The following GADD45B variants were observed in gnomAD, a reference collection of about 807,000 sequenced individuals.
GADD45B encodes the protein growth arrest and DNA damage inducible beta.
A neutral mutation model predicts 15.2 loss-of-function variants in GADD45B; 8 were observed. The ratio of observed to expected loss-of-function variants is 0.53; its 90% confidence interval spans 0.31 to 0.95. The LOEUF (loss-of-function observed/expected upper bound fraction) is 0.95, where lower values mean the gene tolerates loss of function less well. GADD45B is among the 40% of genes least tolerant of loss of function. GADD45B has a pLI of 0.05. For missense variants in GADD45B, 162 were observed against 216.6 expected, an observed-to-expected ratio of 0.75 and a Z score of 1.58; for synonymous variants, 100 against 89.8, an observed-to-expected ratio of 1.11 and a Z score of -0.64.
rs7354 is a variant in GADD45B, at chr19:2,477,822, C to G, written c.*221C>G. Reference sequence around the variant, plus strand: ...ATCCAGGAGCTGGCGGCCGCCGATCCGATGGAGAAGGGGGGACCCAGGCCA... The same window carrying G: ...ATCCAGGAGCTGGCGGCCGCCGATCGGATGGAGAAGGGGGGACCCAGGCCA... On this transcript the variant is annotated 3_prime_UTR_variant, in exon 4 of 4. Coordinates refer to ENST00000215631, the MANE Select transcript of GADD45B (RefSeq NM_015675.4). This position sits in a 1 kb window ranked among gnomAD's most constrained non-coding sequence, Gnocchi z 4.2. The G allele has an allele frequency of 2.6e-6, 1 of 390,404 alleles. No individual in the cohort carries two copies. The highest frequency in any genetic ancestry group is 3.8e-5 in the Admixed American group (1 of 26,328). 24.2% of individuals were successfully genotyped at this position (390,404 alleles called of 1,614,324 possible).
rs1455293312 is a variant in GADD45B, at chr19:2,476,396, C to T, written c.38C>T (p.Ala13Val). The T allele has an allele frequency of 2.5e-6, 4 of 1,613,226 alleles. No homozygotes were observed. The highest frequency in any genetic ancestry group is 2.7e-5 in the African/African-American group (2 of 74,840). The change falls in exon 1 of 4, where the codon GCG (alanine) becomes GTG (valine). Residue 13 changes from alanine to valine, a missense_variant. Ala to Val is a moderately conservative substitution (Grantham distance 64). Transcript: ENST00000215631. ...LEELVACDNA[A>V]QKMQTVTAAV... is the part of the protein sequence containing the mutation. ...GAGCTCGTGGCGTGCGACAACGCGG[C>T]GCAGAAGTAAGTAGCCGGGGCTGCC...
rs747701671 is a variant in GADD45B at position 2,477,050 on chromosome 19, C to A, written c.168C>A (p.Leu56=). 2 of 1,613,694 alleles carry A rather than the reference C, an allele frequency of 1.2e-6. No homozygotes were observed. Among genetic ancestry groups the A allele is most frequent in the South Asian group, 2.2e-5 (2 of 91,074 alleles). ...LMNVDPDSVV[L]CLLAIDEEEE... is the part of the protein sequence containing the mutation. ...TCAGGGACCCAGACAGCGTGGTCCT[C>A]TGCCTCTTGGCCATTGACGAGGAGG... The change falls in exon 3 of 4, where the codon CTC becomes CTA. Residue 56 remains leucine (L), a synonymous_variant. Coordinates refer to ENST00000215631, the MANE Select transcript of GADD45B (RefSeq NM_015675.4). This position sits in a 1 kb window ranked among gnomAD's most constrained non-coding sequence, Gnocchi z 4.2.
Position 2,476,349 on chromosome 19 carries a change from T to A in GADD45B, c.-10T>A. The A allele has an allele frequency of 6.2e-7, 1 of 1,613,816 alleles. No individual in the cohort carries two copies. The highest frequency in any genetic ancestry group is 8.5e-7 in the Non-Finnish European group (1 of 1,179,894). On this transcript the variant is annotated 5_prime_UTR_variant, in exon 1 of 4. Transcript: ENST00000215631. Reference sequence around the variant, plus strand: ...GTGGAGCCGCATCCACTGTGGATTATAATTGCAACATGACGCTGGAAGAGC... The same window carrying A: ...GTGGAGCCGCATCCACTGTGGATTAAAATTGCAACATGACGCTGGAAGAGC...
chr19:2,477,657 A>T lies in GADD45B; in HGVS notation c.*56A>T. 2 of 895,106 alleles carry T rather than the reference A, an allele frequency of 2.2e-6. No homozygotes were observed. Among genetic ancestry groups the T allele is most frequent in the South Asian group, 1.4e-5 (1 of 70,768 alleles). 55.4% of individuals were successfully genotyped at this position (895,106 alleles called of 1,614,324 possible). A position where few individuals can be genotyped will look rare whatever the true frequency, so the allele number is the denominator to read the frequency against. ...TGCTGCCACAAACAAAAAATACAATAAATATTTGAACCCCCTCCCCCCCAG... is the reference window on the plus strand; with the variant it reads ...TGCTGCCACAAACAAAAAATACAATTAATATTTGAACCCCCTCCCCCCCAG... On this transcript the variant is annotated 3_prime_UTR_variant, in exon 4 of 4. Coordinates refer to ENST00000215631, the MANE Select transcript of GADD45B (RefSeq NM_015675.4). The surrounding 1 kb of genome is among the most constrained non-coding windows in gnomAD (Gnocchi z 4.2).
Position 2,476,187 on chromosome 19 carries a change from G to C in GADD45B, c.-172G>C, listed in dbSNP as rs752336224. 1.6e-5 allele frequency: 11 copies of C among 692,752 alleles called. No individual in the cohort carries two copies. The East Asian group carries it at 2.3e-4, about 14-fold the overall frequency. 42.9% of individuals were successfully genotyped at this position (692,752 alleles called of 1,614,324 possible). A position where few individuals can be genotyped will look rare whatever the true frequency, so the allele number is the denominator to read the frequency against. ...CAACTTCCTGGATTATCCTCGCCAA[G>C]GACTTTGCAATATATTTTTCCGCCT... is the stretch of plus-strand genomic sequence containing the variant. On this transcript the variant is annotated 5_prime_UTR_variant, in exon 1 of 4. Coordinates refer to ENST00000215631, the MANE Select transcript of GADD45B (RefSeq NM_015675.4).
chr19:2,477,088 T>C lies in GADD45B; in HGVS notation c.206T>C (p.Ile69Thr). 6.2e-7 allele frequency: 1 copy of C among 1,613,980 alleles called. No individual in the cohort carries two copies. Among genetic ancestry groups the C allele is most frequent in the Non-Finnish European group, 8.5e-7 (1 of 1,179,968 alleles). The change falls in exon 3 of 4, where the codon ATC (isoleucine) becomes ACC (threonine). Residue 69 changes from isoleucine to threonine, a missense_variant. Coordinates refer to ENST00000215631, the MANE Select transcript of GADD45B (RefSeq NM_015675.4). This position sits in a 1 kb window ranked among gnomAD's most constrained non-coding sequence, Gnocchi z 4.2. ...LAIDEEEEDD[I>T]ALQIHFTLIQ... Reference sequence around the variant, plus strand: ...ATTGACGAGGAGGAGGAGGATGACATCGCCCTGCAAATCCACTTCACGCTC... The same window carrying C: ...ATTGACGAGGAGGAGGAGGATGACACCGCCCTGCAAATCCACTTCACGCTC...
At chr19:2,476,947 G>A in intron 2 of GADD45B, 82 bp from the exon 3 acceptor site, 2 of 859,600 alleles carry the variant, frequency 2.3e-6, no homozygotes, top group Non-Finnish European at 3.8e-6. Flanking sequence ...GCTCTTGCAC[G>A]CTCCTTTTTT....
In GADD45B at chr19:2,477,308, C is replaced by T; in HGVS notation, c.369+57C>T. 3.9e-6 allele frequency: 5 copies of T among 1,283,072 alleles called. No individual in the cohort carries two copies. The East Asian group carries it at 9.9e-5, about 25-fold the overall frequency. 79.5% of individuals were successfully genotyped at this position (1,283,072 alleles called of 1,614,324 possible). On this transcript the variant is annotated intron_variant, in intron 3 of 3. Transcript: ENST00000215631. The surrounding 1 kb of genome is among the most constrained non-coding windows in gnomAD (Gnocchi z 4.2). ...CCCGGGCACCTGGGCCGGTGTTTGT[C>T]AACAAAGTCGGGCTGACTGGTCCTG...
rs1197802561 is a variant in GADD45B at position 2,477,379 on chromosome 19, G to A, written c.370-109G>A. The A allele has an allele frequency of 1.7e-5, 17 of 1,008,598 alleles. No homozygotes were observed. Among genetic ancestry groups the A allele is most frequent in the Non-Finnish European group, 2.4e-5 (16 of 680,238 alleles). 62.5% of individuals were successfully genotyped at this position (1,008,598 alleles called of 1,614,324 possible). On this transcript the variant is annotated intron_variant, in intron 3 of 3. Coordinates refer to ENST00000215631, the MANE Select transcript of GADD45B (RefSeq NM_015675.4). The surrounding 1 kb of genome is among the most constrained non-coding windows in gnomAD (Gnocchi z 4.2). ...CGTTTGGCATGTCCCGTGGGCAGCC[G>A]GGCTGGGGCCTCCTCACCCAGGAAG...
chr19:2,476,345 A>G lies in GADD45B; in HGVS notation c.-14A>G, dbSNP rs1972311477. 1 of 1,613,530 alleles carries G rather than the reference A, an allele frequency of 6.2e-7. No homozygotes were observed. The highest frequency in any genetic ancestry group is 1.3e-5 in the African/African-American group (1 of 74,892). On this transcript the variant is annotated 5_prime_UTR_variant, in exon 1 of 4. Coordinates refer to ENST00000215631, the MANE Select transcript of GADD45B (RefSeq NM_015675.4). ...TGCCGTGGAGCCGCATCCACTGTGG[A>G]TTATAATTGCAACATGACGCTGGAA...
At chr19:2,476,442 A>ACGGGATGGGT in intron 1 of GADD45B, 40 bp downstream of exon 1, 1 of 1,606,960 alleles carries the variant, frequency 6.2e-7, no homozygotes, top group Non-Finnish European at 8.5e-7. Flanking sequence ...GTCAGCCGGG[A>ACGGGATGGGT]CGGGATGGGT....
In GADD45B at chr19:2,477,778, G is replaced by C. The variant is rs375456857; in HGVS notation, c.*177G>C. The C allele has an allele frequency of 1.1e-5, 5 of 449,012 alleles. No individual in the cohort carries two copies. Among genetic ancestry groups the C allele is most frequent in the Admixed American group, 7.2e-5 (2 of 27,866 alleles). 27.8% of individuals were successfully genotyped at this position (449,012 alleles called of 1,614,324 possible). A position where few individuals can be genotyped will look rare whatever the true frequency, so the allele number is the denominator to read the frequency against. On this transcript the variant is annotated 3_prime_UTR_variant, in exon 4 of 4. Transcript: ENST00000215631. This position sits in a 1 kb window ranked among gnomAD's most constrained non-coding sequence, Gnocchi z 4.2. ...GAGGAGGAGGAGAAGGGGAGTGAGCGGCCGCCCCCAGGGCGGAGATCCAGG... is the reference window on the plus strand; with the variant it reads ...GAGGAGGAGGAGAAGGGGAGTGAGCCGCCGCCCCCAGGGCGGAGATCCAGG...
In GADD45B at chr19:2,477,285, C is replaced by T. The variant is rs554603813; in HGVS notation, c.369+34C>T. 1.4e-5 allele frequency: 19 copies of T among 1,389,572 alleles called. No individual in the cohort carries two copies. The African/African-American group carries it at 2.3e-4, about 17-fold the overall frequency. The allele number at this position is 1,389,572 out of a possible 1,614,324, so 86.1% of individuals were successfully genotyped here. A position where few individuals can be genotyped will look rare whatever the true frequency, so the allele number is the denominator to read the frequency against. On this transcript the variant is annotated intron_variant, in intron 3 of 3. Transcript: ENST00000215631. The surrounding 1 kb of genome is among the most constrained non-coding windows in gnomAD (Gnocchi z 4.2). ...GGCCTCTGCCCTGCCCCGCCACGCC[C>T]GGGCACCTGGGCCGGTGTTTGTCAA...
intron 2 of GADD45B, 62 bp from the exon 3 acceptor site, chr19:2,476,967 C>T (rs1972325576): frequency 2.7e-6 from 3 of 1,100,416 alleles, no homozygotes; most frequent in African/African-American, 1.5e-5. Context: ...TGCAAACTCC[C>T]CCTGCACGGT....
chr19:2,476,182 G>A lies in GADD45B; in HGVS notation c.-177G>A. The A allele has an allele frequency of 1.5e-6, 1 of 677,340 alleles. No homozygotes were observed. The highest frequency in any genetic ancestry group is 2.6e-5 in the East Asian group (1 of 38,640). The allele number at this position is 677,340 out of a possible 1,614,324, so 42.0% of individuals were successfully genotyped here. A position where few individuals can be genotyped will look rare whatever the true frequency, so the allele number is the denominator to read the frequency against. On this transcript the variant is annotated 5_prime_UTR_variant, in exon 1 of 4. Transcript: ENST00000215631. ...TTCCGCAACTTCCTGGATTATCCTC[G>A]CCAAGGACTTTGCAATATATTTTTC...
rs1568217903 is a variant in GADD45B at position 2,478,022 on chromosome 19, G to A, written c.*421G>A. On this transcript the variant is annotated 3_prime_UTR_variant, in exon 4 of 4. Transcript: ENST00000215631. ...CTGGAGCTGGCGTCTGCATACGAGAGACTTGGTTGAACTTGGTTGGTCCTT... is the reference window on the plus strand; with the variant it reads ...CTGGAGCTGGCGTCTGCATACGAGAAACTTGGTTGAACTTGGTTGGTCCTT... The A allele has an allele frequency of 6.3e-6, 1 of 159,996 alleles. No homozygotes were observed. The highest frequency in any genetic ancestry group is 1.4e-5 in the Non-Finnish European group (1 of 71,830). The allele number at this position is 159,996 out of a possible 1,614,324, so 9.9% of individuals were successfully genotyped here. A position where few individuals can be genotyped will look rare whatever the true frequency, so the allele number is the denominator to read the frequency against.
chr19:2,476,723 TG>T, intron 2 of GADD45B, 93 bp downstream of exon 2: 1 of 780,708 alleles, frequency 1.3e-6, no homozygotes, highest in Non-Finnish European at 2.0e-6. Flanking sequence ...TGCATGGAGC[TG>T]GGACTTCCCC....
In GADD45B at chr19:2,477,317, C is replaced by A; in HGVS notation, c.369+66C>A. The A allele has an allele frequency of 8.1e-7, 1 of 1,231,152 alleles. No homozygotes were observed. The highest frequency in any genetic ancestry group is 1.1e-6 in the Non-Finnish European group (1 of 886,558). 76.3% of individuals were successfully genotyped at this position (1,231,152 alleles called of 1,614,324 possible). Reference sequence around the variant, plus strand: ...CTGGGCCGGTGTTTGTCAACAAAGTCGGGCTGACTGGTCCTGCACAGCTCA... The same window carrying A: ...CTGGGCCGGTGTTTGTCAACAAAGTAGGGCTGACTGGTCCTGCACAGCTCA... On this transcript the variant is annotated intron_variant, in intron 3 of 3. Coordinates refer to ENST00000215631, the MANE Select transcript of GADD45B (RefSeq NM_015675.4). The surrounding 1 kb of genome is among the most constrained non-coding windows in gnomAD (Gnocchi z 4.2).
rs979544590 is a variant in GADD45B at position 2,476,700 on chromosome 19, C to T, written c.146+70C>T. On this transcript the variant is annotated intron_variant, in intron 2 of 3. Transcript: ENST00000215631. The stretch of plus-strand genomic sequence containing the variant: ...CCTCCCCTCCGCTCTGGACGCTTTC[C>T]GCACGCTTGTCTTGCATGGAGCTGG... 85 of 920,178 alleles carry T rather than the reference C, an allele frequency of 9.2e-5. 1 individual carries two copies. The Middle Eastern group carries it at 2.4e-3, about 26-fold the overall frequency. 57.0% of individuals were successfully genotyped at this position (920,178 alleles called of 1,614,324 possible).
Sources: allele counts gnomAD v4.1 joint callset, GRCh38; gene constraint gnomAD v4.1.1; non-coding constraint Gnocchi (gnomAD v3.1); transcripts MANE v1.5; gene names NCBI Gene and HGNC (gene_info 2026-07-23, HGNC 2026-07-21).